The following RASAL2 variants were observed in gnomAD, a reference collection of about 807,000 sequenced individuals.
RASAL2 encodes ras GTPase-activating protein nGAP.
In RASAL2, 58 loss-of-function variants were observed where a neutral mutation model predicts 128.9. That is an observed-to-expected ratio of 0.45 (90% CI 0.36 to 0.56). The LOEUF (loss-of-function observed/expected upper bound fraction) is 0.56, where lower values mean the gene tolerates loss of function less well. Among genes scored for constraint, RASAL2 ranks in the 20% least tolerant of loss-of-function variants. The pLI is 0.00. For missense variants in RASAL2, 1,360 were observed against 1,601.6 expected, an observed-to-expected ratio of 0.85 and a Z score of 2.57; for synonymous variants, 561 against 580.8, an observed-to-expected ratio of 0.97 and a Z score of 0.49.
At chr1:178,138,068 A>G (rs1256399595) in intron 1 of RASAL2, among the ~76,000 whole-genome samples, 3 of 152,162 alleles carry the variant, frequency 2.0e-5, no homozygotes, top group East Asian at 1.9e-4. Flanking sequence ...TGCCACGTGT[A>G]TTTTCTACCT....
intron 1 of RASAL2, among the ~76,000 whole-genome samples, chr1:178,209,942 C>A (rs1168715994): frequency 6.6e-6 from 1 of 151,838 alleles, no homozygotes; most frequent in East Asian, 1.9e-4. Context: ...GGATTGATAT[C>A]TTTTATCAAA....
chr1:178,332,512 A>G (rs1669373057), intron 3 of RASAL2, among the ~76,000 whole-genome samples: 1 of 151,898 alleles, frequency 6.6e-6, no homozygotes, highest in South Asian at 2.1e-4. Flanking sequence ...AAAACAAAAA[A>G]CCTGTATTCT....
At chr1:178,278,647 A>G (rs1288397590) in intron 1 of RASAL2, among the ~76,000 whole-genome samples, 1 of 151,984 alleles carries the variant, frequency 6.6e-6, no homozygotes, top group South Asian at 2.1e-4. Flanking sequence ...TTTCTTACCC[A>G]TTCTTCATAT....
At chr1:178,114,814 G>A (rs887282490) in intron 1 of RASAL2, among the ~76,000 whole-genome samples, 4 of 152,168 alleles carry the variant, frequency 2.6e-5, no homozygotes, top group East Asian at 1.9e-4. Context: ...GAGCCACTGC[G>A]CCCAGCCATT....
intron 1 of RASAL2, among the ~76,000 whole-genome samples, chr1:178,244,579 T>G (rs752227586): frequency 6.6e-5 from 10 of 152,186 alleles, no homozygotes; most frequent in Non-Finnish European, 2.9e-5. Flanking sequence ...TTTATTGTAC[T>G]TTAAGTTCTG....
rs1252662555 is a variant in RASAL2, at chr1:178,283,618, A to AGACAACAAC, written c.259_267dup (p.Thr87_Thr89dup). ...TCTTGTGGTCAGTCACCCTACACCG[A>AGACAACAAC]GACAACAACGTGGGAGCGGAAGTAT... On this transcript the variant is annotated inframe_insertion, in exon 2 of 18. Coordinates refer to ENST00000367649, the MANE Select transcript of RASAL2 (RefSeq NM_170692.4). The AGACAACAAC allele has an allele frequency of 1.9e-6, 3 of 1,613,920 alleles. No individual in the cohort carries two copies. Among genetic ancestry groups the AGACAACAAC allele is most frequent in the Non-Finnish European group, 2.5e-6 (3 of 1,180,006 alleles).
intron 3 of RASAL2, among the ~76,000 whole-genome samples, chr1:178,336,922 C>T (rs1030309517): frequency 1.3e-5 from 2 of 151,874 alleles, no homozygotes; most frequent in Non-Finnish European, 2.9e-5. Context: ...GGAAAGATTT[C>T]CTTGTATTTT....
intron 1 of RASAL2, among the ~76,000 whole-genome samples, chr1:178,213,515 C>T (rs1326329733): frequency 1.3e-5 from 2 of 152,054 alleles, no homozygotes. Flanking sequence ...AACAGTGGAA[C>T]AGTTAAATTA....
chr1:178,140,603 GCAA>G (rs568131606), intron 1 of RASAL2, among the ~76,000 whole-genome samples: 13 of 152,074 alleles, frequency 8.5e-5, no homozygotes, highest in African/African-American at 2.4e-4. Context: ...TTTTCGTTTA[GCAA>G]TATGCAGTTA....
chr1:178,214,307 A>G (rs1663354827), intron 1 of RASAL2, among the ~76,000 whole-genome samples: 1 of 152,072 alleles, frequency 6.6e-6, no homozygotes, highest in Non-Finnish European at 1.5e-5. Flanking sequence ...ATGAATAAAT[A>G]AATAAATAAT....
intron 3 of RASAL2, among the ~76,000 whole-genome samples, chr1:178,333,447 T>C (rs1270234858): frequency 6.6e-6 from 1 of 152,190 alleles, no homozygotes; most frequent in Non-Finnish European, 1.5e-5. Context: ...CAATATGACA[T>C]TTTAACCCAT....
At chr1:178,321,186 C>T (rs962293903) in intron 3 of RASAL2, among the ~76,000 whole-genome samples, 3 of 152,046 alleles carry the variant, frequency 2.0e-5, no homozygotes, top group Non-Finnish European at 1.5e-5. Flanking sequence ...CGGGTTCCAT[C>T]GATTCTCCTG....
At chr1:178,223,427 C>T (rs542042901) in intron 1 of RASAL2, among the ~76,000 whole-genome samples, 35 of 152,230 alleles carry the variant, frequency 2.3e-4, no homozygotes, top group African/African-American at 7.5e-4. Flanking sequence ...GATCGTATAC[C>T]ATCCAGTTGC....
At position 178,444,205 on chromosome 1, in the gene RASAL2, CTT is replaced by C. The variant is rs1220569456; in HGVS notation, c.1482+981_1482+982del. On this transcript the variant is annotated intron_variant, in intron 8 of 17. Coordinates refer to ENST00000367649, the MANE Select transcript of RASAL2 (RefSeq NM_170692.4). ...TCAAGGTTCAGAATATACATTAAGACTTTTTTAAATGACTTAATACTGATTTA... is the reference window on the plus strand; with the variant it reads ...TCAAGGTTCAGAATATACATTAAGACTTTTAAATGACTTAATACTGATTTA... 3.9e-5 allele frequency among the ~76,000 whole-genome samples: 6 copies of C among 152,130 alleles called. No homozygotes were observed. In the South Asian group the frequency reaches 1.0e-3, roughly 26 times the overall value.
intron 11 of RASAL2, among the ~76,000 whole-genome samples, chr1:178,453,923 T>G (rs1677576195): frequency 6.6e-6 from 1 of 152,086 alleles, no homozygotes; most frequent in Non-Finnish European, 1.5e-5. Context: ...TATACATATT[T>G]ATCGATATTT....
intron 3 of RASAL2, among the ~76,000 whole-genome samples, chr1:178,303,679 T>C (rs1667867269): frequency 6.6e-6 from 1 of 151,878 alleles, no homozygotes. Context: ...CAGTACATCA[T>C]TAAGAGAATG....
rs1661850962 is a variant in RASAL2, at chr1:178,175,454, G to GTGTGTGTC, written c.202+80767_202+80768insCTGTGTGT. 2.0e-5 allele frequency among the ~76,000 whole-genome samples: 3 copies of GTGTGTGTC among 151,604 alleles called. No individual in the cohort carries two copies. In the South Asian group the frequency reaches 6.3e-4, roughly 32 times the overall value. On this transcript the variant is annotated intron_variant, in intron 1 of 17. Coordinates refer to ENST00000367649, the MANE Select transcript of RASAL2 (RefSeq NM_170692.4). ...CATGGTTACGTGTGTGTGTGTGTGTGTGTGTGTGTGTGTGTGTGATAACTA... is the reference window on the plus strand; with the variant it reads ...CATGGTTACGTGTGTGTGTGTGTGTGTGTGTGTCTGTGTGTGTGTGTGTGTGATAACTA...
chr1:178,263,933 G>C (rs920852793), intron 1 of RASAL2, among the ~76,000 whole-genome samples: 1 of 152,162 alleles, frequency 6.6e-6, no homozygotes, highest in African/African-American at 2.4e-5. Context: ...AGGAATTCTA[G>C]CAGAGGTCAG....
Position 178,136,756 on chromosome 1 carries a change from C to CA in RASAL2, c.202+42092dup, listed in dbSNP as rs397982072. ...TAGGTGACAAAGTGAGACTCTGTCT[C>CA]AAAAAAAAAAAAAAAAAAAAAAAAA... On this transcript the variant is annotated intron_variant, in intron 1 of 17. Coordinates refer to ENST00000367649, the MANE Select transcript of RASAL2 (RefSeq NM_170692.4). 5.6e-3 allele frequency among the ~76,000 whole-genome samples: 262 copies of CA among 47,204 alleles called. 15 individuals are homozygous for CA. The highest frequency in any genetic ancestry group is 6.4e-3 in the Non-Finnish European group (190 of 29,850). 31.0% of individuals were successfully genotyped at this position (47,204 alleles called of 152,430 possible).
Sources: gnomAD v4.1 joint callset for allele counts (sites outside exome capture counted in the v4.1 genomes callset) on GRCh38, gnomAD v4.1.1 for gene constraint, MANE v1.5 for transcripts, NCBI Gene and HGNC (gene_info 2026-07-23, HGNC 2026-07-21) for gene names.